Variants in RAB40B observed in about 807,000 individuals in gnomAD.
RAB40B encodes RAB40B, member RAS oncogene family, also known as ras-related protein Rab-40B.
In RAB40B, 21 loss-of-function variants were observed where a neutral mutation model predicts 24.0. That is an observed-to-expected ratio of 0.88 (90% CI 0.62 to 1.26). The LOEUF (loss-of-function observed/expected upper bound fraction) is 1.26. Among genes scored for constraint, RAB40B ranks in the 50% most tolerant of loss-of-function variants. The pLI is 0.00. For synonymous variants in RAB40B, 167 were observed against 169.8 expected, an observed-to-expected ratio of 0.98 and a Z score of 0.13; for missense variants, 348 against 390.5, an observed-to-expected ratio of 0.89 and a Z score of 0.92.
At chr17:82,698,343 C>T (rs1319560308) in intron 1 of RAB40B, 112 bp downstream of exon 1, 3 of 977,976 alleles carry the variant, frequency 3.1e-6, no homozygotes, top group Non-Finnish European at 2.6e-6. Flanking sequence ...TTCCCGACCC[C>T]TGCCCGGTCT....
At chr17:82,676,443 C>T (rs113925433) in intron 1 of RAB40B, among the ~76,000 whole-genome samples, 3 of 150,166 alleles carry the variant, frequency 2.0e-5, no homozygotes, top group Non-Finnish European at 3.0e-5. Flanking sequence ...CCTCTCCCCC[C>T]CCACACAGGG....
Position 82,663,910 on chromosome 17 carries a change from C to T in RAB40B, c.203+586G>A, listed in dbSNP as rs1040586421. The stretch of plus-strand genomic sequence containing the variant: ...TCTGGATGACGGGGGCCCAGACAAC[C>T]GGACCACCACCTCCTTCAGAGAAGC... On this transcript the variant is annotated intron_variant, in intron 2 of 5. Transcript: ENST00000571995. This position sits in a 1 kb window ranked among gnomAD's most constrained non-coding sequence, Gnocchi z 6.2. Among the ~76,000 whole-genome samples, 6 of 152,160 alleles carry T rather than the reference C, an allele frequency of 3.9e-5. No individual in the cohort carries two copies. The highest frequency in any genetic ancestry group is 7.4e-5 in the Non-Finnish European group (5 of 68,022).
intron 1 of RAB40B, among the ~76,000 whole-genome samples, chr17:82,676,925 C>T (rs980841834): frequency 1.4e-5 from 2 of 142,856 alleles, no homozygotes; most frequent in Non-Finnish European, 3.0e-5. Context: ...CGCGCCCGGC[C>T]GGTAGCCTAC....
chr17:82,698,510 C>A lies in RAB40B; in HGVS notation c.87G>T (p.Glu29Asp). The change falls in exon 1 of 6, where the codon GAG (glutamate) becomes GAT (aspartate). Residue 29 changes from glutamate (E) to aspartate (D), a missense_variant. This residue lies in a region of RAB40B where 101 missense variants were observed against 85.5 expected (regional missense o/e 1.18). Transcript: ENST00000571995. Reference protein sequence around the residue: ...LVGDSDVGKGEILASLQDGAA... With the variant: ...LVGDSDVGKGDILASLQDGAA... ...CGCCATCCTGCAGGCTCGCCAGGAT[C>A]TCGCCCTTGCCCACGTCGCTGTCGC... 1.3e-6 allele frequency: 2 copies of A among 1,523,588 alleles called. No homozygotes were observed. Among genetic ancestry groups the A allele is most frequent in the Non-Finnish European group, 1.8e-6 (2 of 1,130,470 alleles). The allele number at this position is 1,523,588 out of a possible 1,614,324, so 94.4% of individuals were successfully genotyped here.
chr17:82,677,018 G>A (rs34309377), intron 1 of RAB40B, among the ~76,000 whole-genome samples: 20,888 of 150,260 alleles, frequency 0.14, 1,510 homozygotes, highest in Middle Eastern at 0.2. Flanking sequence ...GCACGATCTC[G>A]GCTCACCGCA....
At position 82,657,842 on chromosome 17, in the gene RAB40B, G is replaced by A. The variant is rs3751912; in HGVS notation, c.*21C>T. 1.4e-3 allele frequency: 2,237 copies of A among 1,594,182 alleles called. 30 individuals are homozygous for A. In the East Asian group the frequency reaches 0.034, roughly 25 times the overall value. On this transcript the variant is annotated 3_prime_UTR_variant, in exon 6 of 6. Coordinates refer to ENST00000571995, the MANE Select transcript of RAB40B (RefSeq NM_006822.3). Reference sequence around the variant, plus strand: ...GAGCTTCTCCTGGAGAGATTCCGCCGTGTTTCTTTCAGTGCCTTCCTTAAG... The same window carrying A: ...GAGCTTCTCCTGGAGAGATTCCGCCATGTTTCTTTCAGTGCCTTCCTTAAG...
At chr17:82,680,819 C>G (rs2046441570) in intron 1 of RAB40B, among the ~76,000 whole-genome samples, 1 of 152,010 alleles carries the variant, frequency 6.6e-6, no homozygotes, top group Non-Finnish European at 1.5e-5. Flanking sequence ...ATCACAAGGT[C>G]AGGGGTTTGA....
At chr17:82,684,415 C>A (rs2046476904) in intron 1 of RAB40B, among the ~76,000 whole-genome samples, 1 of 152,144 alleles carries the variant, frequency 6.6e-6, no homozygotes, top group Admixed American at 6.5e-5. Context: ...ATCATATGAC[C>A]TAGCAACTCC....
intron 1 of RAB40B, among the ~76,000 whole-genome samples, chr17:82,693,595 G>A (rs1232807724): frequency 2.6e-5 from 4 of 152,178 alleles, no homozygotes; most frequent in Admixed American, 2.6e-4. Flanking sequence ...ATGTGTACTA[G>A]GAATGTTCAT....
At chr17:82,691,668 C>T (rs548658532) in intron 1 of RAB40B, among the ~76,000 whole-genome samples, 55 of 152,122 alleles carry the variant, frequency 3.6e-4, no homozygotes, top group African/African-American at 1.2e-3. Flanking sequence ...GGCGACAGAG[C>T]GAGACTCCAT....
intron 1 of RAB40B, chr17:82,668,097 G>A (rs868297884): frequency 6.5e-6 from 1 of 153,494 alleles, no homozygotes. Flanking sequence ...AACAGCTCAG[G>A]GGAGACCCAC....
intron 1 of RAB40B, among the ~76,000 whole-genome samples, chr17:82,685,247 G>A (rs2046486963): frequency 1.4e-5 from 2 of 140,698 alleles, no homozygotes; most frequent in African/African-American, 5.3e-5. Flanking sequence ...GAGGAGGGAG[G>A]GGGAGGGGGA....
At chr17:82,680,977 C>T (rs574351874) in intron 1 of RAB40B, among the ~76,000 whole-genome samples, 13 of 121,854 alleles carry the variant, frequency 1.1e-4, no homozygotes, top group Non-Finnish European at 1.7e-4. Flanking sequence ...GCTGAGATTG[C>T]GCCATTGCAC....
At chr17:82,668,587 C>T (rs1378360413) in intron 1 of RAB40B, among the ~76,000 whole-genome samples, 2 of 152,256 alleles carry the variant, frequency 1.3e-5, no homozygotes, top group Admixed American at 6.5e-5. Context: ...CCGTGCTGCC[C>T]CAAGTGTGGA....
chr17:82,684,561 T>C (rs2046478322), intron 1 of RAB40B, among the ~76,000 whole-genome samples: 1 of 152,176 alleles, frequency 6.6e-6, no homozygotes, highest in Non-Finnish European at 1.5e-5. Context: ...GGGTGGGTGA[T>C]GGACTGTGGT....
In RAB40B at chr17:82,675,522, T is replaced by C. The variant is rs1051834693; in HGVS notation, c.143-10966A>G. 1.3e-5 allele frequency among the ~76,000 whole-genome samples: 2 copies of C among 152,068 alleles called. No homozygotes were observed. Among genetic ancestry groups the C allele is most frequent in the African/African-American group, 4.8e-5 (2 of 41,384 alleles). ...CAGGGTAGGGTAGTACCTTAGCCAG[T>C]GGGGTTGCTATAATGAAAATACCAT... On this transcript the variant is annotated intron_variant, in intron 1 of 5. Transcript: ENST00000571995. This position sits in a 1 kb window ranked among gnomAD's most constrained non-coding sequence, Gnocchi z 4.5.
At chr17:82,661,364 C>T in intron 2 of RAB40B, 1 of 939,798 alleles carries the variant, frequency 1.1e-6, no homozygotes, top group Non-Finnish European at 1.3e-6. Context: ...GAAGATAAAT[C>T]TATGCAGTAA....
chr17:82,689,260 G>T (rs1021611901), intron 1 of RAB40B, among the ~76,000 whole-genome samples: 1 of 152,242 alleles, frequency 6.6e-6, no homozygotes, highest in African/African-American at 2.4e-5. Flanking sequence ...GATGAGGCAG[G>T]ACTGCGGGTC....
rs202229377 is a variant in RAB40B at position 82,657,838 on chromosome 17, C to A, written c.*25G>T. On this transcript the variant is annotated 3_prime_UTR_variant, in exon 6 of 6. Coordinates refer to ENST00000571995, the MANE Select transcript of RAB40B (RefSeq NM_006822.3). The stretch of plus-strand genomic sequence containing the variant: ...CGCCGAGCTTCTCCTGGAGAGATTC[C>A]GCCGTGTTTCTTTCAGTGCCTTCCT... 1.2e-6 allele frequency: 2 copies of A among 1,610,524 alleles called. No homozygotes were observed. The highest frequency in any genetic ancestry group is 1.7e-5 in the Admixed American group (1 of 59,528).
Sources: gnomAD v4.1 joint callset for allele counts (sites outside exome capture counted in the v4.1 genomes callset) on GRCh38, gnomAD v4.1.1 for gene constraint, gnomAD v4.1.1 regional missense constraint, Gnocchi (gnomAD v3.1) non-coding constraint, MANE v1.5 for transcripts, NCBI Gene and HGNC (gene_info 2026-07-23, HGNC 2026-07-21) for gene names.